The following CCDC30 variants were observed in gnomAD, a reference collection of about 807,000 sequenced individuals.
CCDC30 encodes coiled-coil domain-containing protein 30.
In CCDC30, 70 loss-of-function variants were observed where a neutral mutation model predicts 100.2. The ratio of observed to expected loss-of-function variants is 0.70; its 90% CI spans 0.58 to 0.85. The LOEUF is 0.85. Ranked by LOEUF, CCDC30 falls within the 40% of genes least tolerant of loss-of-function variation. The probability of loss-of-function intolerance (pLI) is 0.00; values close to 1 mark genes in which losing one functional copy is unlikely to be tolerated. For missense variants in CCDC30, 652 were observed against 771.2 expected, an observed-to-expected ratio of 0.85 and a Z score of 1.83; for synonymous variants, 233 against 269.5, an observed-to-expected ratio of 0.86 and a Z score of 1.33.
intron 7 of CCDC30, among the ~76,000 whole-genome samples, chr1:42,568,790 A>G (rs1470979682): frequency 6.7e-6 from 1 of 149,892 alleles, no homozygotes; most frequent in Admixed American, 6.6e-5. Context: ...AAAAAAAAAA[A>G]GAGTTAGCCG....
At chr1:42,520,250 G>C (rs72659940) in intron 6 of CCDC30, among the ~76,000 whole-genome samples, 1 of 145,114 alleles carries the variant, frequency 6.9e-6, no homozygotes, top group Non-Finnish European at 1.6e-5. Context: ...CAAATTTCCC[G>C]CCTTCACTTT....
At chr1:42,503,265 C>T (rs1644348279) in intron 6 of CCDC30, among the ~76,000 whole-genome samples, 1 of 152,030 alleles carries the variant, frequency 6.6e-6, no homozygotes, top group Admixed American at 6.5e-5. Flanking sequence ...CAGAGACACA[C>T]GTGGGTGGGC....
exon 15 of CCDC30, chr1:42,646,215 A>G (rs1647866862): frequency 6.4e-7 from 1 of 1,573,638 alleles, no homozygotes; most frequent in African/African-American, 1.4e-5. Context: ...AACAGAAAGA[A>G]ATATACAGCA....
chr1:42,642,510 A>T, exon 13 of CCDC30: 1 of 1,599,582 alleles, frequency 6.3e-7, no homozygotes, highest in Non-Finnish European at 8.5e-7. Flanking sequence ...GCCCAAAATG[A>T]TACCCTGCTT....
chr1:42,523,596 T>G (rs1173396863), intron 6 of CCDC30, among the ~76,000 whole-genome samples: 1 of 152,210 alleles, frequency 6.6e-6, no homozygotes, highest in Non-Finnish European at 1.5e-5. Flanking sequence ...TATTTCAAGT[T>G]GGTTGAGCCT....
upstream of CCDC30, among the ~76,000 whole-genome samples, chr1:42,461,834 C>T (rs781672158): frequency 5.9e-5 from 9 of 152,116 alleles, no homozygotes; most frequent in African/African-American, 1.4e-4. Flanking sequence ...CGTGAGCCAC[C>T]GCGCCCAGCC....
chr1:42,533,583 G>A (rs1644842544), intron 6 of CCDC30, among the ~76,000 whole-genome samples: 1 of 152,182 alleles, frequency 6.6e-6, no homozygotes, highest in African/African-American at 2.4e-5. Flanking sequence ...ACTTACAGAG[G>A]AGATTTATAT....
chr1:42,596,278 T>G lies in CCDC30; in HGVS notation c.1164+6795T>G, dbSNP rs941406868. Reference sequence around the variant, plus strand: ...CCAGTCATTAGGGGACTTAGACACATTTGTGAGTTTTACCTCCTGTAGCAT... The same window carrying G: ...CCAGTCATTAGGGGACTTAGACACAGTTGTGAGTTTTACCTCCTGTAGCAT... On this transcript the variant is annotated intron_variant, in intron 10 of 16. Coordinates refer to ENST00000668663, the Ensembl canonical transcript of CCDC30. This position sits in a 1 kb window ranked among gnomAD's most constrained non-coding sequence, Gnocchi z 4.3. 1.3e-5 allele frequency among the ~76,000 whole-genome samples: 2 copies of G among 152,134 alleles called. No individual in the cohort carries two copies. Among genetic ancestry groups the G allele is most frequent in the African/African-American group, 2.4e-5 (1 of 41,416 alleles).
At chr1:42,566,571 C>A in intron 7 of CCDC30, 96 bp downstream of exon 11, 1 of 1,019,022 alleles carries the variant, frequency 9.8e-7, no homozygotes, top group Non-Finnish European at 1.5e-6. Flanking sequence ...ATGATAGGAT[C>A]CACAAATATG....
intron 7 of CCDC30, chr1:42,571,108 CTTAAGTGTTGACT>C (rs752799782): frequency 2.0e-5 from 3 of 152,246 alleles, no homozygotes; most frequent in Admixed American, 1.3e-4. Context: ...TCGCCAAAAC[CTTAAGTGTTGACT>C]CTTTGATCAC....
chr1:42,492,005 A>C (rs1340960524), intron 4 of CCDC30: 12 of 678,010 alleles, frequency 1.8e-5, no homozygotes. Flanking sequence ...TGATTGCTGA[A>C]GATGTTCAGG....
At chr1:42,521,235 T>A (rs1644640990) in intron 6 of CCDC30, 1 of 153,282 alleles carries the variant, frequency 6.5e-6, no homozygotes, top group South Asian at 2.1e-4. Context: ...CGCCTCGGCC[T>A]CCCAAAGTGC....
intron 12 of CCDC30, among the ~76,000 whole-genome samples, chr1:42,638,482 A>T (rs772801229): frequency 1.3e-5 from 2 of 151,778 alleles, no homozygotes; most frequent in African/African-American, 4.8e-5. Context: ...AGAGACTGAG[A>T]TCCAGCTTAG....
intron 15 of CCDC30, among the ~76,000 whole-genome samples, chr1:42,651,453 T>C (rs1648335782): frequency 6.7e-6 from 1 of 149,028 alleles, no homozygotes; most frequent in Non-Finnish European, 1.5e-5. Flanking sequence ...GACATACAAA[T>C]GGACAACAGA....
At chr1:42,463,049 T>G (rs997143865), upstream of CCDC30, among the ~76,000 whole-genome samples, 1 of 152,238 alleles carries the variant, frequency 6.6e-6, no homozygotes, top group Admixed American at 6.5e-5. Flanking sequence ...AGACAAAATG[T>G]ATTCGCTAAG....
At chr1:42,551,075 G>A (rs1016782285) in intron 6 of CCDC30, among the ~76,000 whole-genome samples, 1 of 152,080 alleles carries the variant, frequency 6.6e-6, no homozygotes, top group Non-Finnish European at 1.5e-5. Context: ...TGCCTTGCAG[G>A]TTTTCAAAAT....
chr1:42,480,937 T>C (rs1359835423), intron 2 of CCDC30, among the ~76,000 whole-genome samples: 1 of 151,720 alleles, frequency 6.6e-6, no homozygotes, highest in Non-Finnish European at 1.5e-5. Flanking sequence ...CTGGGTAACA[T>C]AGTGAGACTC....
Position 42,479,565 on chromosome 1 carries a change from T to TAAAAA in CCDC30, c.-91-896_-91-895insAAAAA, listed in dbSNP as rs150749741. Reference sequence around the variant, plus strand: ...GGAACAATTAGATATAGACATATGCTTAAAAAAAAAAAAAAAAGCCTCCCA... The same window carrying TAAAAA: ...GGAACAATTAGATATAGACATATGCTAAAAATAAAAAAAAAAAAAAAAGCCTCCCA... On this transcript the variant is annotated intron_variant, in intron 1 of 16. Transcript: ENST00000668663. Among the ~76,000 whole-genome samples the TAAAAA allele has an allele frequency of 5.2e-4, 73 of 139,954 alleles. 7 individuals carry two copies. Among genetic ancestry groups the TAAAAA allele is most frequent in the Middle Eastern group, 3.7e-3 (1 of 270 alleles). The allele number at this position is 139,954 out of a possible 152,430, so 91.8% of individuals were successfully genotyped here. A position where few individuals can be genotyped will look rare whatever the true frequency, so the allele number is the denominator to read the frequency against.
intron 16 of CCDC30, 49 bp from the exon 21 acceptor site, chr1:42,653,769 T>C (rs1380399697): frequency 7.0e-7 from 1 of 1,433,498 alleles, no homozygotes; most frequent in Non-Finnish European, 9.8e-7. Context: ...CCCGAACTGC[T>C]ACCAACAAAC....
Sources: gnomAD v4.1 joint callset for allele counts (sites outside exome capture counted in the v4.1 genomes callset) on GRCh38, gnomAD v4.1.1 for gene constraint, Gnocchi (gnomAD v3.1) non-coding constraint, MANE v1.5 for transcripts, NCBI Gene and HGNC (gene_info 2026-07-23, HGNC 2026-07-21) for gene names.